C2orf80: variants seen among roughly 807,000 people sequenced by gnomAD.
The protein encoded by C2orf80 is uncharacterized protein C2orf80.
C2orf80 carries 28 observed loss-of-function variants against 30.2 expected under a neutral mutation model. The observed-to-expected ratio is 0.93, with a 90% CI of 0.69 to 1.27. The LOEUF is 1.27. Ranked by LOEUF, C2orf80 falls within the 50% of genes most tolerant of loss-of-function variation. The pLI, the probability that C2orf80 is intolerant of heterozygous loss-of-function variation, is 0.00. For missense variants in C2orf80, 220 were observed against 231.0 expected (o/e 0.95, Z 0.31); for synonymous variants, 80 against 76.4 (o/e 1.05, Z -0.24).
At chr2:208,171,931 C>A in intron 7 of C2orf80, 57 bp downstream of exon 7, 2 of 1,417,226 alleles carry the variant, frequency 1.4e-6, no homozygotes, top group Non-Finnish European at 2.0e-6. Flanking sequence ...GAGCCTACTT[C>A]CTAATTTCCT....
At chr2:208,185,130 A>C in intron 2 of C2orf80, 98 bp from the exon 3 acceptor site, 1 of 741,688 alleles carries the variant, frequency 1.3e-6, no homozygotes, top group Non-Finnish European at 2.3e-6. Context: ...CCCCCACCAA[A>C]ATACAAGAGA....
Position 208,176,941 on chromosome 2 carries a change from CTGTATACATATCTGTATACATA to C in C2orf80, c.366+3782_366+3803del, listed in dbSNP as rs1342320480. On this transcript the variant is annotated intron_variant, in intron 6 of 8. Transcript: ENST00000341287. The stretch of plus-strand genomic sequence containing the variant: ...TATCTGTATACATATGTATACATAT[CTGTATACATATCTGTATACATA>C]TGTATACATATATACAGAAATGTAT... Among the ~76,000 whole-genome samples the C allele has an allele frequency of 2.3e-4, 7 of 30,220 alleles. 1 individual carries two copies. The highest frequency in any genetic ancestry group is 6.8e-4 in the African/African-American group (7 of 10,262). The allele number at this position is 30,220 out of a possible 152,430, so 19.8% of individuals were successfully genotyped here. A position where few individuals can be genotyped will look rare whatever the true frequency, so the allele number is the denominator to read the frequency against.
chr2:208,174,174 G>A (rs902199590), intron 6 of C2orf80, among the ~76,000 whole-genome samples: 1 of 152,004 alleles, frequency 6.6e-6, no homozygotes, highest in East Asian at 1.9e-4. Context: ...GGTTGGTCTC[G>A]AACTCCTGGG....
intron 6 of C2orf80, among the ~76,000 whole-genome samples, chr2:208,179,472 T>C (rs532059310): frequency 6.6e-6 from 1 of 152,130 alleles, no homozygotes; most frequent in Non-Finnish European, 1.5e-5. Context: ...AAAGCCACAG[T>C]GTGAGCAGAA....
chr2:208,177,823 TA>T (rs1260576019), intron 6 of C2orf80, among the ~76,000 whole-genome samples: 55 of 151,704 alleles, frequency 3.6e-4, no homozygotes, highest in African/African-American at 1.2e-3. Context: ...TTTATTTATT[TA>T]TTTATTTTTT....
At chr2:208,175,328 C>A (rs188619955) in intron 6 of C2orf80, among the ~76,000 whole-genome samples, 455 of 152,062 alleles carry the variant, frequency 3.0e-3, no homozygotes, top group Admixed American at 6.5e-3. Flanking sequence ...TTATATTTAT[C>A]CGGGGCTAGT....
chr2:208,173,068 G>A (rs919707671), intron 6 of C2orf80, among the ~76,000 whole-genome samples: 5 of 145,698 alleles, frequency 3.4e-5, no homozygotes, highest in Non-Finnish European at 3.0e-5. Flanking sequence ...GCAGTGAGCC[G>A]AGATTGCGTC....
Position 208,165,756 on chromosome 2 carries a change from G to A in C2orf80, c.*51C>T, listed in dbSNP as rs758884880. On this transcript the variant is annotated 3_prime_UTR_variant, in exon 9 of 9. Transcript: ENST00000341287. ...CTGTGGTTTTAAGATGATGCTTCTC[G>A]TCTGCTCCCAGAGAATCTATTATGA... 44 of 1,611,384 alleles carry A rather than the reference G, an allele frequency of 2.7e-5. No homozygotes were observed. The highest frequency in any genetic ancestry group is 1.7e-4 in the Middle Eastern group (1 of 6,046).
Position 208,184,895 on chromosome 2 carries a change from T to C in C2orf80, c.123+56A>G, listed in dbSNP as rs1054345586. On this transcript the variant is annotated intron_variant, in intron 3 of 8. Coordinates refer to ENST00000341287, the MANE Select transcript of C2orf80 (RefSeq NM_001099334.3). ...TTGTATAAATAAGATCCTTTTTCTG[T>C]CTCTTTAATACACATATAACACAAA... The C allele has an allele frequency of 4.3e-6, 6 of 1,391,456 alleles. No homozygotes were observed. The Admixed American group carries it at 1.0e-4, about 24-fold the overall frequency. The allele number at this position is 1,391,456 out of a possible 1,614,324, so 86.2% of individuals were successfully genotyped here. A position where few individuals can be genotyped will look rare whatever the true frequency, so the allele number is the denominator to read the frequency against.
intron 6 of C2orf80, among the ~76,000 whole-genome samples, chr2:208,174,483 G>A (rs1295324625): frequency 2.0e-5 from 3 of 152,136 alleles, no homozygotes; most frequent in Non-Finnish European, 4.4e-5. Flanking sequence ...GAGTGGGGGC[G>A]AACTTGGAAA....
chr2:208,176,699 T>A (rs918556038), intron 6 of C2orf80, among the ~76,000 whole-genome samples: 6 of 152,014 alleles, frequency 3.9e-5, no homozygotes, highest in Non-Finnish European at 8.8e-5. Flanking sequence ...TTTGCGTCCC[T>A]GTTTTTACAA....
At chr2:208,188,685 G>C (rs1696790835) in intron 1 of C2orf80, among the ~76,000 whole-genome samples, 3 of 152,292 alleles carry the variant, frequency 2.0e-5, no homozygotes, top group African/African-American at 7.2e-5. Flanking sequence ...TCCTGACCTT[G>C]TAATCCACCT....
chr2:208,168,394 C>G (rs1695971973), intron 8 of C2orf80: 1 of 316,218 alleles, frequency 3.2e-6, no homozygotes, highest in Non-Finnish European at 6.1e-6. Flanking sequence ...AAGAGTTGGG[C>G]CGGGCGCGGT....
chr2:208,170,177 C>G (rs1696049816), intron 8 of C2orf80, among the ~76,000 whole-genome samples: 1 of 152,194 alleles, frequency 6.6e-6, no homozygotes, highest in South Asian at 2.1e-4. Flanking sequence ...TATCTAACAT[C>G]TCTCATTCAA....
intron 8 of C2orf80, among the ~76,000 whole-genome samples, chr2:208,167,606 T>C (rs957600794): frequency 6.6e-5 from 10 of 152,070 alleles, no homozygotes; most frequent in Admixed American, 4.6e-4. Flanking sequence ...AGACAGAGTC[T>C]CGCTCTGTTG....
At position 208,180,767 on chromosome 2, in the gene C2orf80, G is replaced by A. The variant is rs200312931; in HGVS notation, c.344C>T (p.Ser115Phe). 8.4e-5 allele frequency: 135 copies of A among 1,613,518 alleles called. No individual in the cohort carries two copies. Among genetic ancestry groups the A allele is most frequent in the African/African-American group, 9.3e-5 (7 of 74,916 alleles). The change falls in exon 6 of 9, where the codon TCT becomes TTT. Residue 115 changes from serine (S) to phenylalanine (F), a missense_variant. By Grantham distance (155) the Ser-to-Phe change is radical (BLOSUM62 -2). Transcript: ENST00000341287. Reference sequence around the variant, plus strand: ...TACCTTGATGGTACCAGAATCGGCAGAAGAATCAGCCCCATAAATTTTAAA... The same window carrying A: ...TACCTTGATGGTACCAGAATCGGCAAAAGAATCAGCCCCATAAATTTTAAA... ...EVFKIYGADS[S>F]ADSGTIKVPR...
chr2:208,189,842 T>C, intron 1 of C2orf80, 111 bp downstream of exon 1: 1 of 677,400 alleles, frequency 1.5e-6, no homozygotes, highest in Non-Finnish European at 2.7e-6. Context: ...GGAGAATATC[T>C]GCACATTCCA....
chr2:208,172,204 G>A (rs935904608), intron 6 of C2orf80, 129 bp from the exon 7 acceptor site: 12 of 773,900 alleles, frequency 1.6e-5, no homozygotes, highest in East Asian at 7.5e-5. Context: ...ACTGTCCAAC[G>A]GACACACTGT....
At chr2:208,178,267 T>C (rs528186105) in intron 6 of C2orf80, among the ~76,000 whole-genome samples, 1 of 152,280 alleles carries the variant, frequency 6.6e-6, no homozygotes, top group African/African-American at 2.4e-5. Context: ...CTTTTAGCCA[T>C]GTGAGTTGGG....
Sources: gnomAD v4.1 joint callset for allele counts (sites outside exome capture counted in the v4.1 genomes callset) on GRCh38, gnomAD v4.1.1 for gene constraint, MANE v1.5 for transcripts, NCBI Gene and HGNC (gene_info 2026-07-23, HGNC 2026-07-21) for gene names.